Variants in CBFA2T3 observed in about 807,000 individuals in gnomAD.
CBFA2T3 encodes the protein transcriptional corepressor CBFA2T3.
A neutral mutation model predicts 58.6 loss-of-function variants in CBFA2T3; 31 were observed. The ratio of observed to expected loss-of-function variants is 0.53; its 90% CI spans 0.40 to 0.71. The LOEUF (loss-of-function observed/expected upper bound fraction) is 0.71. Among genes scored for constraint, CBFA2T3 ranks in the 30% least tolerant of loss-of-function variants. The pLI, the probability that CBFA2T3 is intolerant of heterozygous loss-of-function variation, is 0.00. For missense variants in CBFA2T3, 1,076 were observed against 963.1 expected (o/e 1.12, Z -1.55); for synonymous variants, 531 against 421.9 (o/e 1.26, Z -3.17).
chr16:88,877,187 T>C lies in CBFA2T3; in HGVS notation c.1751A>G (p.Asp584Gly). ...ACACACGTGGTGATGCTTCTCCCAG[T>C]CCCGATGCTGGCAGAAGGACCCGCA... The part of the protein sequence containing the change: ...RYCGSFCQHR[D>G]WEKHHHVCGQ... The change falls in exon 12 of 12, where the codon GAC becomes GGC. Residue 584 changes from aspartate to glycine, a missense_variant. Physicochemically the swap from Asp to Gly is moderately conservative, Grantham distance 94. Transcript: ENST00000268679. The C allele has an allele frequency of 6.4e-7, 1 of 1,554,262 alleles. No individual in the cohort carries two copies. Among genetic ancestry groups the C allele is most frequent in the Non-Finnish European group, 8.7e-7 (1 of 1,149,372 alleles).
intron 1 of CBFA2T3, among the ~76,000 whole-genome samples, chr16:88,906,115 C>A (rs1211243300): frequency 6.6e-6 from 1 of 152,114 alleles, no homozygotes; most frequent in Non-Finnish European, 1.5e-5. Flanking sequence ...TATTATTATC[C>A]TCCTCTATCC....
At chr16:88,895,796 C>G (rs1442953037) in intron 3 of CBFA2T3, among the ~76,000 whole-genome samples, 1 of 152,206 alleles carries the variant, frequency 6.6e-6, no homozygotes, top group Admixed American at 6.5e-5. Flanking sequence ...AGACACGGCC[C>G]TGCCCTCGAG....
intron 5 of CBFA2T3, among the ~76,000 whole-genome samples, chr16:88,890,164 G>A (rs1350058448): frequency 1.3e-5 from 2 of 152,144 alleles, no homozygotes. Flanking sequence ...TGTAGTCCCC[G>A]CTACCTGGGA....
At chr16:88,888,890 G>C (rs1486619746) in intron 5 of CBFA2T3, among the ~76,000 whole-genome samples, 2 of 151,790 alleles carry the variant, frequency 1.3e-5, no homozygotes, top group Admixed American at 6.5e-5. Flanking sequence ...GGGAGACTGA[G>C]GTGGACACGG....
Position 88,886,231 on chromosome 16 carries a change from C to T in CBFA2T3, c.712-89G>A, listed in dbSNP as rs370907170. 1.1e-5 allele frequency: 11 copies of T among 993,314 alleles called. No homozygotes were observed. The East Asian group carries it at 1.5e-4, about 13-fold the overall frequency. 61.5% of individuals were successfully genotyped at this position (993,314 alleles called of 1,614,324 possible). A position where few individuals can be genotyped will look rare whatever the true frequency, so the allele number is the denominator to read the frequency against. The stretch of plus-strand genomic sequence containing the variant: ...GCAGAGGGGGCCTGGGCTGGGTGGC[C>T]GAAAGCTCAACTTGACCTCGGGCCT... On this transcript the variant is annotated intron_variant, in intron 5 of 11. Transcript: ENST00000268679.
At chr16:88,944,188 T>A (rs1329995828) in intron 1 of CBFA2T3, among the ~76,000 whole-genome samples, 1 of 151,636 alleles carries the variant, frequency 6.6e-6, no homozygotes, top group Non-Finnish European at 1.5e-5. Context: ...ATACAAAAAA[T>A]TAGCCGGGCG....
At chr16:88,974,638 G>A (rs750932525) in intron 1 of CBFA2T3, among the ~76,000 whole-genome samples, 4 of 152,186 alleles carry the variant, frequency 2.6e-5, no homozygotes, top group Non-Finnish European at 5.9e-5. Context: ...TCTCCCCAGA[G>A]TTTAAAGCCA....
At chr16:88,974,545 C>T (rs543607782) in intron 1 of CBFA2T3, among the ~76,000 whole-genome samples, 8 of 152,310 alleles carry the variant, frequency 5.3e-5, no homozygotes, top group South Asian at 2.1e-4. Context: ...CCACCAAACG[C>T]GCAGCAACAC....
chr16:88,914,377 T>G (rs1026670175), intron 1 of CBFA2T3, among the ~76,000 whole-genome samples: 3 of 152,220 alleles, frequency 2.0e-5, no homozygotes, highest in African/African-American at 7.2e-5. Context: ...CACACTTCTG[T>G]GTGCAGTGCT....
chr16:88,900,861 C>CAAGGGG (rs1970069055), intron 2 of CBFA2T3, among the ~76,000 whole-genome samples: 1 of 152,260 alleles, frequency 6.6e-6, no homozygotes, highest in Non-Finnish European at 1.5e-5. Flanking sequence ...CCATCGGCGG[C>CAAGGGG]TCTGTGCGCC....
chr16:88,897,489 T>C (rs1258500348), intron 3 of CBFA2T3, among the ~76,000 whole-genome samples: 1 of 152,218 alleles, frequency 6.6e-6, no homozygotes, highest in Non-Finnish European at 1.5e-5. Flanking sequence ...ACGCCCGCCA[T>C]GGGCCACGCA....
At chr16:88,922,066 C>T (rs1970939669) in intron 1 of CBFA2T3, among the ~76,000 whole-genome samples, 1 of 152,234 alleles carries the variant, frequency 6.6e-6, no homozygotes, top group South Asian at 2.1e-4. Context: ...GGGCTGGTGT[C>T]GATGCCACCA....
chr16:88,881,724 C>T lies in CBFA2T3; in HGVS notation c.1204-235G>A, dbSNP rs142750786. The T allele has an allele frequency of 6.5e-4, 315 of 482,510 alleles. No individual in the cohort carries two copies. In the East Asian group the frequency reaches 7.1e-3, roughly 11 times the overall value. The allele number at this position is 482,510 out of a possible 1,614,324, so 29.9% of individuals were successfully genotyped here. ...TCACATGGACACGTGCCTAGACGCA[C>T]GCAGGAGTTTGGGATTCTCCTTTTT... On this transcript the variant is annotated intron_variant, in intron 8 of 11. Coordinates refer to ENST00000268679, the MANE Select transcript of CBFA2T3 (RefSeq NM_005187.6).
chr16:88,877,042 G>C lies in CBFA2T3; in HGVS notation c.1896C>G (p.Gly632=). The change falls in exon 12 of 12, where the codon GGC becomes GGG. Residue 632 remains glycine, a synonymous_variant. Transcript: ENST00000268679. The part of the protein sequence containing the change: ...PVGAASPSEA[G]SAGPSRPGSP... Reference sequence around the variant, plus strand: ...AGCCGGGGCGAGAAGGCCCCGCAGAGCCGGCTTCGCTGGGGCTGGCAGCAC... The same window carrying C: ...AGCCGGGGCGAGAAGGCCCCGCAGACCCGGCTTCGCTGGGGCTGGCAGCAC... 6.6e-7 allele frequency: 1 copy of C among 1,512,560 alleles called. No individual in the cohort carries two copies. Among genetic ancestry groups the C allele is most frequent in the Non-Finnish European group, 8.8e-7 (1 of 1,130,876 alleles). The allele number at this position is 1,512,560 out of a possible 1,614,324, so 93.7% of individuals were successfully genotyped here.
chr16:88,952,409 G>C (rs190516544), intron 1 of CBFA2T3, among the ~76,000 whole-genome samples: 1 of 150,560 alleles, frequency 6.6e-6, no homozygotes, highest in Non-Finnish European at 1.5e-5. Flanking sequence ...TCCTTCTCCC[G>C]CGGGGCACCA....
At chr16:88,960,384 A>G (rs1972328631) in intron 1 of CBFA2T3, among the ~76,000 whole-genome samples, 1 of 152,224 alleles carries the variant, frequency 6.6e-6, no homozygotes, top group Non-Finnish European at 1.5e-5. Context: ...AGCAGAGAAG[A>G]TGTGAAGAAA....
intron 1 of CBFA2T3, among the ~76,000 whole-genome samples, chr16:88,944,998 G>A (rs1385207901): frequency 1.3e-5 from 2 of 152,244 alleles, no homozygotes; most frequent in Admixed American, 6.5e-5. Context: ...CATCACTGTT[G>A]CTGACCTTCA....
At chr16:88,925,718 C>G (rs1183235318) in intron 1 of CBFA2T3, among the ~76,000 whole-genome samples, 2 of 152,152 alleles carry the variant, frequency 1.3e-5, no homozygotes, top group African/African-American at 4.8e-5. Flanking sequence ...CACTGTCTGC[C>G]CGACTGCCCG....
At chr16:88,908,614 C>G (rs1244210603) in intron 1 of CBFA2T3, among the ~76,000 whole-genome samples, 1 of 152,212 alleles carries the variant, frequency 6.6e-6, no homozygotes, top group Non-Finnish European at 1.5e-5. Context: ...GCCCAGGGCT[C>G]CCAGCCTGGG....
Sources: allele counts gnomAD v4.1 joint callset (sites outside exome capture counted in the v4.1 genomes callset), GRCh38; gene constraint gnomAD v4.1.1; transcripts MANE v1.5; gene names NCBI Gene and HGNC (gene_info 2026-07-23, HGNC 2026-07-21).